The following PTGER3 variants were observed in gnomAD, a reference collection of about 807,000 sequenced individuals.
PTGER3 encodes prostaglandin E2 receptor EP3 subtype.
PTGER3 carries 22 observed loss-of-function variants against 34.7 expected under a neutral mutation model. The observed-to-expected ratio is 0.63, with a 90% CI of 0.45 to 0.91. The LOEUF (loss-of-function observed/expected upper bound fraction) is 0.91. Among genes scored for constraint, PTGER3 ranks in the 40% least tolerant of loss-of-function variants. The pLI, the probability that PTGER3 is intolerant of heterozygous loss-of-function variation, is 0.00. For missense variants in PTGER3, 468 were observed against 519.4 expected (o/e 0.90, Z 0.96); for synonymous variants, 241 against 230.1 (o/e 1.05, Z -0.43).
chr1:70,988,981 G>T (rs1472144825), intron 2 of PTGER3, among the ~76,000 whole-genome samples: 2 of 152,110 alleles, frequency 1.3e-5, no homozygotes, highest in African/African-American at 4.8e-5. Flanking sequence ...TGGTTTTATT[G>T]TGTATCATGC....
intron 2 of PTGER3, among the ~76,000 whole-genome samples, chr1:70,993,761 C>T (rs1388106971): frequency 6.6e-6 from 1 of 152,022 alleles, no homozygotes; most frequent in African/African-American, 2.4e-5. Context: ...TGAATGCAAA[C>T]CGAGTGAGTG....
intron 1 of PTGER3, among the ~76,000 whole-genome samples, chr1:71,029,912 T>A (rs907624808): frequency 9.1e-5 from 13 of 142,750 alleles, no homozygotes; most frequent in African/African-American, 3.4e-4. Flanking sequence ...GGTGACAGAG[T>A]GAGACTCCAT....
At chr1:70,980,978 G>A (rs908152343) in intron 2 of PTGER3, among the ~76,000 whole-genome samples, 7 of 152,122 alleles carry the variant, frequency 4.6e-5, no homozygotes, top group Non-Finnish European at 8.8e-5. Flanking sequence ...CCTTTTTTGA[G>A]AATGTCAAGA....
chr1:70,963,279 C>A lies in PTGER3; in HGVS notation c.1078-9490G>T, dbSNP rs146606738. 1.8e-4 allele frequency among the ~76,000 whole-genome samples: 27 copies of A among 152,216 alleles called. No individual in the cohort carries two copies. The East Asian group carries it at 5.2e-3, about 29-fold the overall frequency. On this transcript the variant is annotated intron_variant, in intron 2 of 3. Transcript: ENST00000356595. Reference sequence around the variant, plus strand: ...GGCTTTTCCAGGCACACCGCACAAGCCTTTGGGAGATCCACATTCTGGGGT... The same window carrying A: ...GGCTTTTCCAGGCACACCGCACAAGACTTTGGGAGATCCACATTCTGGGGT...
At chr1:70,928,698 T>G (rs535637039) in intron 4 of PTGER3, among the ~76,000 whole-genome samples, 5 of 152,232 alleles carry the variant, frequency 3.3e-5, no homozygotes, top group Non-Finnish European at 7.4e-5. Flanking sequence ...GAAAAGGAAT[T>G]GGAAACCGGA....
downstream of PTGER3, among the ~76,000 whole-genome samples, chr1:70,948,924 A>G (rs947948269): frequency 6.6e-6 from 1 of 152,174 alleles, no homozygotes; most frequent in African/African-American, 2.4e-5. Flanking sequence ...ATAAAGAAAA[A>G]GAAAGGACGA....
downstream of PTGER3, among the ~76,000 whole-genome samples, chr1:70,948,752 C>T (rs1489326322): frequency 6.6e-6 from 1 of 152,032 alleles, no homozygotes; most frequent in African/African-American, 2.4e-5. Flanking sequence ...TTTGCAATAA[C>T]TGAAAAGAAA....
intron 4 of PTGER3, among the ~76,000 whole-genome samples, chr1:70,920,042 C>T (rs1245188953): frequency 6.6e-6 from 1 of 152,080 alleles, no homozygotes; most frequent in Non-Finnish European, 1.5e-5. Context: ...TTTGCAAATA[C>T]TCTGTTGATT....
downstream of PTGER3, among the ~76,000 whole-genome samples, chr1:70,949,103 G>A (rs116670652): frequency 2.0e-5 from 3 of 151,816 alleles, no homozygotes; most frequent in African/African-American, 7.3e-5. Context: ...AAGTTTATGC[G>A]GCGGAAGGGA....
chr1:70,970,448 A>G (rs563183850), downstream of PTGER3, among the ~76,000 whole-genome samples: 2 of 152,316 alleles, frequency 1.3e-5, no homozygotes, highest in African/African-American at 4.8e-5. Flanking sequence ...TATAGTTTAT[A>G]GCTAATTCAC....
chr1:70,874,656 TTA>T (rs1232832651), intron 4 of PTGER3, among the ~76,000 whole-genome samples: 2 of 152,124 alleles, frequency 1.3e-5, no homozygotes, highest in African/African-American at 4.8e-5. Flanking sequence ...TTCTATCTCT[TTA>T]TGTCTCTCCT....
At chr1:70,876,403 T>C (rs994622475) in intron 4 of PTGER3, among the ~76,000 whole-genome samples, 1 of 151,860 alleles carries the variant, frequency 6.6e-6, no homozygotes, top group Non-Finnish European at 1.5e-5. Flanking sequence ...GTTTAGTCAA[T>C]TGATAGTTTC....
intron 2 of PTGER3, among the ~76,000 whole-genome samples, chr1:70,981,359 CTTT>C (rs1197209913): frequency 1.6e-4 from 15 of 93,986 alleles, no homozygotes; most frequent in South Asian, 4.2e-4. Flanking sequence ...TTCTTTCTTT[CTTT>C]CTTTCTTTCT....
chr1:70,930,269 G>A (rs1443449837), intron 4 of PTGER3, among the ~76,000 whole-genome samples: 1 of 152,194 alleles, frequency 6.6e-6, no homozygotes, highest in East Asian at 1.9e-4. Flanking sequence ...CTCCCCAGTG[G>A]CAGGGCTGTC....
intron 2 of PTGER3, among the ~76,000 whole-genome samples, chr1:70,982,388 T>C (rs1654468408): frequency 6.6e-6 from 1 of 152,096 alleles, no homozygotes; most frequent in Non-Finnish European, 1.5e-5. Context: ...GTCTGACAGA[T>C]CTACTGTCAG....
chr1:70,973,863 A>T (rs1283004135), intron 3 of PTGER3, among the ~76,000 whole-genome samples: 3 of 152,160 alleles, frequency 2.0e-5, no homozygotes, highest in Non-Finnish European at 4.4e-5. Flanking sequence ...GTACTCATTC[A>T]TTGAAGTACA....
chr1:70,928,293 G>T (rs1648326397), intron 4 of PTGER3, among the ~76,000 whole-genome samples: 1 of 150,784 alleles, frequency 6.6e-6, no homozygotes, highest in African/African-American at 2.4e-5. Context: ...TGTTAATGAG[G>T]TTAAAATACC....
intron 2 of PTGER3, among the ~76,000 whole-genome samples, chr1:70,981,327 CTTTCTTTCTTTCT>C (rs1654275092): frequency 1.9e-5 from 1 of 51,564 alleles, no homozygotes; most frequent in African/African-American, 9.0e-5. Flanking sequence ...TTTCTTCTTT[CTTTCTTTCTTTCT>C]TTCTTTCTTT....
chr1:71,011,969 A>G, intron 2 of PTGER3: 1 of 1,323,582 alleles, frequency 7.6e-7, no homozygotes, highest in Non-Finnish European at 9.6e-7. Flanking sequence ...ATAATTAATC[A>G]CATATTCAGC....
Sources: allele counts gnomAD v4.1 joint callset (sites outside exome capture counted in the v4.1 genomes callset), GRCh38; gene constraint gnomAD v4.1.1; transcripts MANE v1.5; gene names NCBI Gene and HGNC (gene_info 2026-07-23, HGNC 2026-07-21).